Variants in SDR42E2 observed in about 807,000 individuals in gnomAD.
SDR42E2 encodes the protein putative short-chain dehydrogenase/reductase family 42E member 2.
SDR42E2 carries 20 observed loss-of-function variants against 10.5 expected under a neutral mutation model. The ratio of observed to expected loss-of-function variants is 1.90; its 90% CI spans 1.34 to 2.77. The LOEUF (loss-of-function observed/expected upper bound fraction) is 2.77. Ranked by LOEUF, SDR42E2 falls within the 30% of genes most tolerant of loss-of-function variation. The pLI is 0.00. For missense variants in SDR42E2, 162 were observed against 104.2 expected, an observed-to-expected ratio of 1.55 and a Z score of -2.42; for synonymous variants, 72 against 39.2, an observed-to-expected ratio of 1.84 and a Z score of -3.12.
chr16:22,190,240 A>G lies in SDR42E2; in HGVS notation c.1116A>G (p.Leu372=), dbSNP rs1235663157. The G allele has an allele frequency of 6.0e-5, 24 of 400,982 alleles. No individual in the cohort carries two copies. Among genetic ancestry groups the G allele is most frequent in the Non-Finnish European group, 9.7e-5 (22 of 226,144 alleles). 24.8% of individuals were successfully genotyped at this position (400,982 alleles called of 1,614,324 possible). A position where few individuals can be genotyped will look rare whatever the true frequency, so the allele number is the denominator to read the frequency against. Residue 372 remains leucine, a synonymous_variant, in exon 13 of 13, where the codon CTA becomes CTG. Coordinates refer to ENST00000602312, the MANE Select transcript of SDR42E2 (RefSeq NM_001394319.2). ...DKFRFADAVE[L]YVQSTTRRPR... is the part of the protein sequence containing the mutation. ...TTAGGTTCGCCGACGCCGTGGAGCT[A>G]TACGTGCAGTCCACGACCCGGCGGC...
intron 8 of SDR42E2, among the ~76,000 whole-genome samples, chr16:22,179,448 C>T (rs929331945): frequency 6.6e-6 from 1 of 152,186 alleles, no homozygotes; most frequent in Admixed American, 6.5e-5. Flanking sequence ...GTGAACAAAA[C>T]AGATGATTCC....
chr16:22,165,754 G>C (rs767870861), intron 2 of SDR42E2, 117 bp downstream of exon 2: 4 of 401,608 alleles, frequency 1.0e-5, no homozygotes, highest in Non-Finnish European at 1.8e-5. Flanking sequence ...GCCTGGACTG[G>C]GGCCCAAAGC....
intron 9 of SDR42E2, 52 bp from the exon 10 acceptor site, chr16:22,182,160 G>T: frequency 4.9e-6 from 2 of 407,836 alleles, no homozygotes; most frequent in Non-Finnish European, 8.7e-6. Context: ...GGAAGGGTGG[G>T]GCAGGCTGCT....
intron 6 of SDR42E2, among the ~76,000 whole-genome samples, chr16:22,171,962 T>C (rs1447584243): frequency 6.6e-6 from 1 of 152,208 alleles, no homozygotes; most frequent in Non-Finnish European, 1.5e-5. Flanking sequence ...TCATCCAGCA[T>C]GTGTCCAGCA....
Position 22,173,905 on chromosome 16 carries a change from G to GTATATATATATA in SDR42E2, c.589+1587_589+1598dup, listed in dbSNP as rs770541596. ...GGGCTACGTATATATATGTGTGTGT[G>GTATATATATATA]TATATATATATATATATATATATAG... On this transcript the variant is annotated intron_variant, in intron 7 of 12. Transcript: ENST00000602312. Among the ~76,000 whole-genome samples, 208 of 115,000 alleles carry GTATATATATATA rather than the reference G, an allele frequency of 1.8e-3. 1 individual carries two copies. Among genetic ancestry groups the GTATATATATATA allele is most frequent in the East Asian group, 4.9e-3 (10 of 2,048 alleles). 75.4% of individuals were successfully genotyped at this position (115,000 alleles called of 152,430 possible).
At chr16:22,183,351 G>A (rs991685584) in intron 10 of SDR42E2, among the ~76,000 whole-genome samples, 2 of 152,168 alleles carry the variant, frequency 1.3e-5, no homozygotes, top group African/African-American at 4.8e-5. Context: ...TGTTGGCCAG[G>A]CTGATCTCGA....
intron 5 of SDR42E2, among the ~76,000 whole-genome samples, chr16:22,169,849 G>A (rs964440076): frequency 1.3e-5 from 2 of 151,856 alleles, no homozygotes; most frequent in African/African-American, 4.8e-5. Flanking sequence ...TGGCCAAAAT[G>A]GTGAAACCCC....
intron 8 of SDR42E2, 77 bp downstream of exon 8, chr16:22,178,289 C>T (rs1350605553): frequency 6.1e-6 from 4 of 659,520 alleles, no homozygotes; most frequent in African/African-American, 1.8e-5. Flanking sequence ...GCCCTCCCAG[C>T]CCCTGGTCGC....
chr16:22,172,116 G>A, intron 6 of SDR42E2, 140 bp from the exon 7 acceptor site: 1 of 636,196 alleles, frequency 1.6e-6, no homozygotes, highest in South Asian at 1.8e-5. Context: ...CCCAGGGGGA[G>A]AGGAAAGGCC....
chr16:22,186,223 T>C (rs1015988640), intron 11 of SDR42E2, among the ~76,000 whole-genome samples: 2 of 152,156 alleles, frequency 1.3e-5, no homozygotes, highest in African/African-American at 4.8e-5. Flanking sequence ...TTTTTTTTTT[T>C]TCTGACGGAG....
chr16:22,175,492 T>C (rs898202658), intron 7 of SDR42E2, among the ~76,000 whole-genome samples: 4 of 151,016 alleles, frequency 2.6e-5, no homozygotes, highest in African/African-American at 9.7e-5. Context: ...GAAATCAAGG[T>C]GTCTGCTGGG....
intron 7 of SDR42E2, among the ~76,000 whole-genome samples, chr16:22,174,643 C>T (rs895671695): frequency 2.0e-5 from 3 of 151,952 alleles, no homozygotes; most frequent in African/African-American, 7.2e-5. Context: ...GAGTTTCAAC[C>T]TTGTGCAGTT....
intron 5 of SDR42E2, 67 bp from the exon 6 acceptor site, chr16:22,170,766 C>A: frequency 1.4e-6 from 1 of 700,140 alleles, no homozygotes; most frequent in Non-Finnish European, 2.6e-6. Flanking sequence ...ACTTGTGTCC[C>A]GTGTGTGTCT....
At chr16:22,184,809 G>C (rs1195599467) in intron 11 of SDR42E2, among the ~76,000 whole-genome samples, 4 of 152,128 alleles carry the variant, frequency 2.6e-5, no homozygotes, top group Non-Finnish European at 4.4e-5. Context: ...CTGCAAGGCA[G>C]CTATGATGGG....
At chr16:22,169,120 G>T (rs762506448) in intron 4 of SDR42E2, among the ~76,000 whole-genome samples, 1 of 152,154 alleles carries the variant, frequency 6.6e-6, no homozygotes, top group Non-Finnish European at 1.5e-5. Context: ...GACCCAACAG[G>T]TTCTGAGCCC....
Position 22,165,637 on chromosome 16 carries a change from G to A in SDR42E2, c.55G>A (p.Ala19Thr), listed in dbSNP as rs1302860446. The change falls in exon 2 of 13, where the codon GCG (alanine) becomes ACG (threonine). Residue 19 changes from alanine (A) to threonine (T), a missense_variant and splice_region_variant. By Grantham distance (58) the Ala-to-Thr change is moderately conservative. Coordinates refer to ENST00000602312, the MANE Select transcript of SDR42E2 (RefSeq NM_001394319.2). ...AGAGGCCTGCAAAGCTGCAGGCCAG[G>A]GTGAGAAGAGCTGCCCTGTCTGCCA... ...SLEACKAAGQ[A>T]PQQKTQAKPT... The A allele has an allele frequency of 7.5e-6, 3 of 401,514 alleles. No homozygotes were observed. The highest frequency in any genetic ancestry group is 6.2e-5 in the African/African-American group (3 of 48,690). The allele number at this position is 401,514 out of a possible 1,614,324, so 24.9% of individuals were successfully genotyped here.
Position 22,166,901 on chromosome 16 carries a change from C to A in SDR42E2, c.241-3C>A. 1 of 665,686 alleles carries A rather than the reference C, an allele frequency of 1.5e-6. No homozygotes were observed. Among genetic ancestry groups the A allele is most frequent in the South Asian group, 1.6e-5 (1 of 64,118 alleles). 41.2% of individuals were successfully genotyped at this position (665,686 alleles called of 1,614,324 possible). ...GCCCTCATCTCTTCTTCCTCTGGTG[C>A]AGGCTGATGTCCGAGATGAAGAAGC... On this transcript the variant is annotated splice_region_variant and splice_polypyrimidine_tract_variant and intron_variant, in intron 3 of 12. Transcript: ENST00000602312.
At position 22,176,804 on chromosome 16, in the gene SDR42E2, A is replaced by G. The variant is rs117328227; in HGVS notation, c.590-1326A>G. ...GTAACCCCAGACCGCCCCAGGAGAT[A>G]CATGTTCACCTGCTTCTGCCATTTG... is the stretch of plus-strand genomic sequence containing the variant. On this transcript the variant is annotated intron_variant, in intron 7 of 12. Transcript: ENST00000602312. 8.3e-3 allele frequency among the ~76,000 whole-genome samples: 1,258 copies of G among 152,316 alleles called. 10 individuals carry two copies. Among genetic ancestry groups the G allele is most frequent in the South Asian group, 0.044 (212 of 4,828 alleles).
chr16:22,167,641 C>T (rs970322666), intron 4 of SDR42E2, among the ~76,000 whole-genome samples: 1 of 152,124 alleles, frequency 6.6e-6, no homozygotes, highest in Admixed American at 6.6e-5. Context: ...TATGTATACC[C>T]GTTGCCTCAG....
Sources: allele counts gnomAD v4.1 joint callset (sites outside exome capture counted in the v4.1 genomes callset), GRCh38; gene constraint gnomAD v4.1.1; transcripts MANE v1.5; gene names NCBI Gene and HGNC (gene_info 2026-07-23, HGNC 2026-07-21).